Variants in GNA14 observed in about 807,000 individuals in gnomAD.
GNA14 encodes guanine nucleotide-binding protein subunit alpha-14.
A neutral mutation model predicts 42.0 loss-of-function variants in GNA14; 50 were observed. The observed-to-expected ratio is 1.19, with a 90% CI of 0.95 to 1.51. The LOEUF is 1.51. Ranked by LOEUF, GNA14 falls within the 40% of genes most tolerant of loss-of-function variation. The pLI is 0.00. For synonymous variants in GNA14, 173 were observed against 163.1 expected, an observed-to-expected ratio of 1.06 and a Z score of -0.46; for missense variants, 473 against 446.2, an observed-to-expected ratio of 1.06 and a Z score of -0.54.
chr9:77,486,238 G>T (rs1441557189), intron 2 of GNA14, among the ~76,000 whole-genome samples: 1 of 152,140 alleles, frequency 6.6e-6, no homozygotes, highest in East Asian at 1.9e-4. Flanking sequence ...TTACAGAGAT[G>T]GCTTCTTTCC....
intron 2 of GNA14, among the ~76,000 whole-genome samples, chr9:77,439,934 T>A (rs1001736408): frequency 6.6e-6 from 1 of 152,144 alleles, no homozygotes; most frequent in Non-Finnish European, 1.5e-5. Flanking sequence ...TAAGTGGAGA[T>A]GTCTAAAAGG....
intron 4 of GNA14, 124 bp from the exon 5 acceptor site, chr9:77,429,160 G>T: frequency 1.1e-6 from 1 of 877,946 alleles, no homozygotes; most frequent in Non-Finnish European, 1.8e-6. Context: ...AGAGAGAAAA[G>T]AGGTTCTAAG....
At chr9:77,434,216 A>G (rs971336273) in intron 3 of GNA14, 152 bp downstream of exon 3, 1 of 659,996 alleles carries the variant, frequency 1.5e-6, no homozygotes, top group Non-Finnish European at 2.6e-6. Flanking sequence ...GAGAGATGGC[A>G]CTAAGAGGTC....
chr9:77,643,423 G>C (rs1824300924), intron 1 of GNA14, among the ~76,000 whole-genome samples: 1 of 152,016 alleles, frequency 6.6e-6, no homozygotes, highest in Non-Finnish European at 1.5e-5. Context: ...ATTTTTAGTA[G>C]AGACAGTGTT....
intron 1 of GNA14, among the ~76,000 whole-genome samples, chr9:77,607,425 G>A (rs1823658610): frequency 6.6e-6 from 1 of 152,162 alleles, no homozygotes; most frequent in African/African-American, 2.4e-5. Flanking sequence ...AAGTGTGTAT[G>A]GGAGTTGGAG....
chr9:77,634,409 C>A (rs1824146261), intron 1 of GNA14, among the ~76,000 whole-genome samples: 4 of 111,312 alleles, frequency 3.6e-5, no homozygotes, highest in African/African-American at 1.1e-4. Flanking sequence ...GAGACCCTGT[C>A]TCAAAAAGAA....
chr9:77,430,478 A>G (rs1426673848), intron 4 of GNA14, among the ~76,000 whole-genome samples: 2 of 152,262 alleles, frequency 1.3e-5, no homozygotes, highest in Non-Finnish European at 2.9e-5. Context: ...ATGGGCACAC[A>G]GGCACAGAGG....
intron 1 of GNA14, among the ~76,000 whole-genome samples, chr9:77,583,243 T>C (rs1344116414): frequency 6.6e-6 from 1 of 152,108 alleles, no homozygotes; most frequent in Non-Finnish European, 1.5e-5. Flanking sequence ...AGTTCGGATA[T>C]AAGGGGCTGG....
At chr9:77,504,268 T>C (rs1458914300) in intron 2 of GNA14, among the ~76,000 whole-genome samples, 2 of 152,092 alleles carry the variant, frequency 1.3e-5, no homozygotes, top group African/African-American at 2.4e-5. Flanking sequence ...GATCTTTTTT[T>C]CTAAGCCTTA....
At chr9:77,466,479 A>G (rs1257803078) in intron 2 of GNA14, among the ~76,000 whole-genome samples, 1 of 152,132 alleles carries the variant, frequency 6.6e-6, no homozygotes, top group Non-Finnish European at 1.5e-5. Flanking sequence ...TTCTATTTCT[A>G]TGTATTCAGT....
intron 2 of GNA14, among the ~76,000 whole-genome samples, chr9:77,436,793 T>C (rs552108355): frequency 6.6e-6 from 1 of 152,346 alleles, no homozygotes; most frequent in East Asian, 1.9e-4. Context: ...TGCCTTCTAT[T>C]GCAAATAATA....
chr9:77,584,385 G>A (rs1315110660), intron 1 of GNA14, among the ~76,000 whole-genome samples: 1 of 152,084 alleles, frequency 6.6e-6, no homozygotes, highest in East Asian at 1.9e-4. Context: ...TTACTGATGG[G>A]GTGTGCAATC....
chr9:77,426,596 G>A (rs936057042), intron 5 of GNA14, among the ~76,000 whole-genome samples: 4 of 152,190 alleles, frequency 2.6e-5, no homozygotes, highest in Admixed American at 2.0e-4. Context: ...GAGCCACCGC[G>A]CCTGGCCTTG....
chr9:77,460,373 C>T (rs568437687), intron 2 of GNA14, among the ~76,000 whole-genome samples: 1 of 152,320 alleles, frequency 6.6e-6, no homozygotes, highest in East Asian at 1.9e-4. Flanking sequence ...GGGAGAGAGG[C>T]ATGGAAAAGA....
At chr9:77,456,984 C>CCTGTGACTCACTAGGATTCA (rs1408378151) in intron 2 of GNA14, among the ~76,000 whole-genome samples, 3 of 152,192 alleles carry the variant, frequency 2.0e-5, no homozygotes, top group Non-Finnish European at 2.9e-5. Context: ...AGGTTTCATG[C>CCTGTGACTCACTAGGATTCA]CTGTGACTCA....
intron 1 of GNA14, among the ~76,000 whole-genome samples, chr9:77,583,313 T>G (rs1823255316): frequency 6.6e-6 from 1 of 152,164 alleles, no homozygotes; most frequent in Admixed American, 6.5e-5. Context: ...CCCGAGGTCA[T>G]GAGAGCTTCA....
intron 1 of GNA14, among the ~76,000 whole-genome samples, chr9:77,566,094 G>A (rs1306119201): frequency 1.3e-5 from 2 of 151,596 alleles, no homozygotes; most frequent in African/African-American, 4.8e-5. Context: ...CTGAGGTTGA[G>A]GTTGAGAAAC....
chr9:77,480,758 C>T (rs538885820), intron 2 of GNA14, among the ~76,000 whole-genome samples: 4 of 152,206 alleles, frequency 2.6e-5, no homozygotes, highest in Non-Finnish European at 4.4e-5. Flanking sequence ...ATTCAACTTC[C>T]TCCTGGTTTA....
At chr9:77,564,198 A>G (rs1321879348) in intron 1 of GNA14, among the ~76,000 whole-genome samples, 1 of 151,720 alleles carries the variant, frequency 6.6e-6, no homozygotes, top group Non-Finnish European at 1.5e-5. Flanking sequence ...GTGGTTCTCA[A>G]TCCTGGCCAC....
Sources: gnomAD v4.1 joint callset for allele counts (sites outside exome capture counted in the v4.1 genomes callset) on GRCh38, gnomAD v4.1.1 for gene constraint, MANE v1.5 for transcripts, NCBI Gene and HGNC (gene_info 2026-07-23, HGNC 2026-07-21) for gene names.